The following ZFP37 variants were observed in gnomAD, a reference collection of about 807,000 sequenced individuals.
The protein encoded by ZFP37 is ZFP37 zinc finger protein.
Under a neutral mutation model 52.1 loss-of-function variants are expected in ZFP37, and 38 were observed. The observed-to-expected ratio is 0.73, with a 90% CI of 0.56 to 0.96. ZFP37 has a LOEUF of 0.96. Among genes scored for constraint, ZFP37 ranks in the 40% least tolerant of loss-of-function variants. ZFP37 has a pLI of 0.00. For synonymous variants in ZFP37, 253 were observed against 259.5 expected (o/e 0.98, Z 0.24); for missense variants, 695 against 741.4 (o/e 0.94, Z 0.73).
rs112968099 is a variant in ZFP37, at chr9:113,039,226, C to T, written c.*3499G>A. ...GCTTTGATGTATACTGTCAGATTTA[C>T]ATTTTGGTAGGTTGTACAAACTTAC... On this transcript the variant is annotated 3_prime_UTR_variant, in exon 4 of 4. Coordinates refer to ENST00000374227, the MANE Select transcript of ZFP37 (RefSeq NM_003408.3). The T allele has an allele frequency of 6.3e-4, 96 of 152,266 alleles. No individual in the cohort carries two copies. Among genetic ancestry groups the T allele is most frequent in the African/African-American group, 2.0e-3 (83 of 41,560 alleles). 9.4% of individuals were successfully genotyped at this position (152,266 alleles called of 1,614,324 possible).
intron 1 of ZFP37, chr9:113,050,117 G>T: frequency 2.2e-6 from 1 of 449,740 alleles, no homozygotes; most frequent in Non-Finnish European, 3.7e-6. Context: ...AGGCATAGTG[G>T]CTCATGCCTG....
intron 3 of ZFP37, among the ~76,000 whole-genome samples, chr9:113,047,782 C>T (rs1270715824): frequency 6.6e-6 from 1 of 152,154 alleles, no homozygotes; most frequent in Non-Finnish European, 1.5e-5. Flanking sequence ...CTGATAAAAA[C>T]AGGGAAGATG....
chr9:113,052,171 C>T lies in ZFP37; in HGVS notation c.133-2299G>A, dbSNP rs904778174. On this transcript the variant is annotated intron_variant, in intron 1 of 3. Transcript: ENST00000374227. The surrounding 1 kb of genome is among the most constrained non-coding windows in gnomAD (Gnocchi z 4.1). ...CCACTCCTCCCTCAACCTCTTTAGC[C>T]ACTCCCTTCATTTGCATGCTTCACC... 1.3e-5 allele frequency among the ~76,000 whole-genome samples: 2 copies of T among 152,052 alleles called. No homozygotes were observed. Among genetic ancestry groups the T allele is most frequent in the African/African-American group, 4.8e-5 (2 of 41,400 alleles).
intron 1 of ZFP37, among the ~76,000 whole-genome samples, chr9:113,054,851 C>A (rs1829114289): frequency 6.6e-6 from 1 of 152,194 alleles, no homozygotes; most frequent in Admixed American, 6.5e-5. Flanking sequence ...TTGACTATTG[C>A]AAAAAGTTCC....
intron 1 of ZFP37, among the ~76,000 whole-genome samples, chr9:113,055,152 T>C (rs1423323655): frequency 6.6e-6 from 1 of 152,226 alleles, no homozygotes; most frequent in East Asian, 1.9e-4. Context: ...AGTTTACTCC[T>C]ACCCCAGGTC....
At chr9:113,055,556 CT>C (rs1474529314) in intron 1 of ZFP37, among the ~76,000 whole-genome samples, 2 of 152,198 alleles carry the variant, frequency 1.3e-5, no homozygotes, top group South Asian at 2.1e-4. Flanking sequence ...AAAATACCCC[CT>C]GGCATAAAAT....
chr9:113,051,328 G>A (rs879547161), intron 1 of ZFP37, among the ~76,000 whole-genome samples: 6 of 152,138 alleles, frequency 3.9e-5, no homozygotes, highest in African/African-American at 9.7e-5. Flanking sequence ...TTAGGCAGGT[G>A]GGGGAGGACG....
At chr9:113,049,273 A>G (rs1026490954) in intron 3 of ZFP37, 89 bp downstream of exon 3, 19 of 1,411,410 alleles carry the variant, frequency 1.3e-5, no homozygotes, top group African/African-American at 1.0e-4. Flanking sequence ...TTCTATTGCT[A>G]TTTTCTAGTT....
chr9:113,049,676 C>T (rs1303683866), intron 2 of ZFP37, 115 bp downstream of exon 2: 1 of 1,468,298 alleles, frequency 6.8e-7, no homozygotes. Context: ...CTGCCTAGTA[C>T]CCAAAAAAGA....
rs1828848943 is a variant in ZFP37, at chr9:113,041,673, A to T, written c.*1052T>A. On this transcript the variant is annotated 3_prime_UTR_variant, in exon 4 of 4. Transcript: ENST00000374227. The stretch of plus-strand genomic sequence containing the variant: ...GATAGAAAAAGTCTTTATGAATTCA[A>T]CATCAAGTTTCATACTATATACTTT... 6.6e-6 allele frequency: 1 copy of T among 152,204 alleles called. No homozygotes were observed. Among genetic ancestry groups the T allele is most frequent in the African/African-American group, 2.4e-5 (1 of 41,452 alleles). 9.4% of individuals were successfully genotyped at this position (152,204 alleles called of 1,614,324 possible).
In ZFP37 at chr9:113,051,654, T is replaced by C. The variant is rs1290713887; in HGVS notation, c.133-1782A>G. 2.0e-5 allele frequency among the ~76,000 whole-genome samples: 3 copies of C among 152,102 alleles called. No homozygotes were observed. In the East Asian group the frequency reaches 5.8e-4, roughly 29 times the overall value. On this transcript the variant is annotated intron_variant, in intron 1 of 3. Transcript: ENST00000374227. ...TTTTTTTGTAGAGACAGGTTCTTGC[T>C]ATGTTGCCCAGGCTGGGCTCAAACT...
intron 3 of ZFP37, among the ~76,000 whole-genome samples, chr9:113,046,184 A>G (rs891170161): frequency 2.7e-5 from 4 of 148,188 alleles, no homozygotes; most frequent in African/African-American, 9.9e-5. Flanking sequence ...AGACAGATAT[A>G]TATCTATATA....
chr9:113,044,307 G>T, intron 3 of ZFP37, 39 bp from the exon 4 acceptor site: 1 of 1,501,810 alleles, frequency 6.7e-7, no homozygotes, highest in Non-Finnish European at 8.9e-7. Context: ...GTGAATCTTT[G>T]TACTCTTATA....
intron 3 of ZFP37, among the ~76,000 whole-genome samples, chr9:113,049,139 T>C (rs888199275): frequency 5.9e-5 from 9 of 152,198 alleles, no homozygotes; most frequent in Middle Eastern, 3.2e-3. Context: ...AGCTCACTAC[T>C]ATAGCGAACC....
In ZFP37 at chr9:113,043,729, G is replaced by A. The variant is rs764898825; in HGVS notation, c.889C>T (p.Gln297Ter). The change falls in exon 4 of 4, where the codon CAA becomes TAA. Residue 297 changes from glutamine to a stop codon, truncating the protein, a stop_gained. Coordinates refer to ENST00000374227, the MANE Select transcript of ZFP37 (RefSeq NM_003408.3). LOFTEE classifies it high-confidence loss of function. ...TTATGGCTGAGAACCTTTCCACATTGATTACATTCATAGGGTTTCACACAA... is the reference window on the plus strand; with the variant it reads ...TTATGGCTGAGAACCTTTCCACATTAATTACATTCATAGGGTTTCACACAA... ...QACVKPYECN[Q>*]CGKVLSHKQG... The A allele has an allele frequency of 4.3e-6, 7 of 1,613,866 alleles. No homozygotes were observed. The highest frequency in any genetic ancestry group is 5.9e-6 in the Non-Finnish European group (7 of 1,179,968).
chr9:113,055,401 G>T (rs1008047365), intron 1 of ZFP37, among the ~76,000 whole-genome samples: 6 of 152,092 alleles, frequency 3.9e-5, no homozygotes, highest in African/African-American at 1.2e-4. Flanking sequence ...TATATTTTAT[G>T]ATATCTTTCA....
chr9:113,056,521 G>T, intron 1 of ZFP37, 36 bp downstream of exon 1: 1 of 1,607,516 alleles, frequency 6.2e-7, no homozygotes, highest in South Asian at 1.1e-5. Flanking sequence ...CACCATCTCT[G>T]ACCGCCAAAA....
intron 3 of ZFP37, among the ~76,000 whole-genome samples, chr9:113,048,634 A>G (rs893906754): frequency 4.6e-5 from 7 of 151,780 alleles, no homozygotes; most frequent in African/African-American, 1.7e-4. Flanking sequence ...CAGAGCCTTG[A>G]TTTTCACCTT....
chr9:113,056,700 G>A lies in ZFP37; in HGVS notation c.-12C>T, dbSNP rs772728659. 1 of 1,610,468 alleles carries A rather than the reference G, an allele frequency of 6.2e-7. No individual in the cohort carries two copies. On this transcript the variant is annotated 5_prime_UTR_variant, in exon 1 of 4. Coordinates refer to ENST00000374227, the MANE Select transcript of ZFP37 (RefSeq NM_003408.3). ...CTGGAGACCGACATGGCGGCTACCCGGAGGGCGGCCTTAGCGGGTCCGGCA... is the reference window on the plus strand; with the variant it reads ...CTGGAGACCGACATGGCGGCTACCCAGAGGGCGGCCTTAGCGGGTCCGGCA...
Sources: gnomAD v4.1 joint callset for allele counts (sites outside exome capture counted in the v4.1 genomes callset) on GRCh38, gnomAD v4.1.1 for gene constraint, Gnocchi (gnomAD v3.1) non-coding constraint, MANE v1.5 for transcripts, NCBI Gene and HGNC (gene_info 2026-07-23, HGNC 2026-07-21) for gene names.